Variants in SLC12A6 observed in about 807,000 individuals in gnomAD.
SLC12A6 encodes the protein K-Cl cotransporter 3.
In SLC12A6, 66 loss-of-function variants were observed where a neutral mutation model predicts 135.3. The observed-to-expected ratio is 0.49, with a 90% CI of 0.40 to 0.60. The LOEUF is 0.60. Among genes scored for constraint, SLC12A6 ranks in the 20% least tolerant of loss-of-function variants. SLC12A6 has a pLI of 0.00. For missense variants in SLC12A6, 1,058 were observed against 1,452.3 expected (o/e 0.73, Z 4.41); for synonymous variants, 513 against 508.8 (o/e 1.01, Z -0.11).
chr15:34,236,878 A>T, intron 22 of SLC12A6, 63 bp from the exon 23 acceptor site: 1 of 926,816 alleles, frequency 1.1e-6, no homozygotes, highest in Non-Finnish European at 1.8e-6. Context: ...TGAACCATAC[A>T]TTTTTATTTC....
At chr15:34,243,144 G>A (rs907574318) in intron 16 of SLC12A6, among the ~76,000 whole-genome samples, 3 of 151,886 alleles carry the variant, frequency 2.0e-5, no homozygotes, top group African/African-American at 7.2e-5. Flanking sequence ...CGCCTGCCTT[G>A]GCCTCCCAAA....
chr15:34,229,999 AAAT>A lies in SLC12A6; in HGVS notation c.*3879_*3881del. On this transcript the variant is annotated 3_prime_UTR_variant, in exon 26 of 26. Coordinates refer to ENST00000354181, the MANE Select transcript of SLC12A6 (RefSeq NM_001365088.1). ...AAACTATACCATAACCCAAGGCTGA[AAAT>A]AATGTAGAAAACTTTATTTTTGTTT... 1.7e-6 allele frequency: 1 copy of A among 588,800 alleles called. No individual in the cohort carries two copies. The highest frequency in any genetic ancestry group is 2.2e-5 in the South Asian group (1 of 45,970). The allele number at this position is 588,800 out of a possible 1,614,324, so 36.5% of individuals were successfully genotyped here.
At chr15:34,330,737 A>G (rs1889783409) in intron 2 of SLC12A6, among the ~76,000 whole-genome samples, 1 of 152,196 alleles carries the variant, frequency 6.6e-6, no homozygotes, top group South Asian at 2.1e-4. Flanking sequence ...ACAAGCTAAG[A>G]AGGTACCAAA....
At chr15:34,320,603 A>AT (rs10543386) in intron 2 of SLC12A6, among the ~76,000 whole-genome samples, 18,777 of 144,894 alleles carry the variant, frequency 0.13, 2,037 homozygotes, top group African/African-American at 0.31. Flanking sequence ...GGAATAAACA[A>AT]TTTTTTTTTT....
chr15:34,237,446 A>G lies in SLC12A6; in HGVS notation c.2907T>C (p.Ile969=), dbSNP rs1339254567. The G allele has an allele frequency of 1.2e-6, 2 of 1,613,194 alleles. No individual in the cohort carries two copies. The highest frequency in any genetic ancestry group is 2.2e-5 in the South Asian group (2 of 91,072). Residue 969 remains isoleucine, a synonymous_variant, in exon 22 of 26, where the codon ATT becomes ATC. Coordinates refer to ENST00000354181, the MANE Select transcript of SLC12A6 (RefSeq NM_001365088.1). ...TCTCCACCACTTCTACCTCCGCCTC[A>G]ATGCGTAAGTGATATAGGAAGGTGG... ...DLATFLYHLR[I]EAEVEVVEMH...
intron 3 of SLC12A6, among the ~76,000 whole-genome samples, chr15:34,271,387 TTA>T (rs1491115530): frequency 6.6e-6 from 1 of 151,820 alleles, no homozygotes; most frequent in Admixed American, 6.6e-5. Context: ...TTTTTTTTTT[TTA>T]ATCTCATGTT....
chr15:34,242,794 G>A (rs1347087861), intron 16 of SLC12A6, among the ~76,000 whole-genome samples: 2 of 152,120 alleles, frequency 1.3e-5, no homozygotes, highest in Non-Finnish European at 2.9e-5. Context: ...ACTTTGGGAG[G>A]CTGAGGCGGA....
chr15:34,235,562 G>A (rs562454202), intron 24 of SLC12A6, among the ~76,000 whole-genome samples: 78 of 151,004 alleles, frequency 5.2e-4, no homozygotes, highest in African/African-American at 1.7e-3. Flanking sequence ...AGCCTCCCGA[G>A]TAGCTGGGAT....
intron 2 of SLC12A6, among the ~76,000 whole-genome samples, chr15:34,285,718 C>CACACACACAT (rs1555385547): frequency 1.5e-5 from 1 of 66,066 alleles, no homozygotes; most frequent in African/African-American, 3.9e-5. Context: ...GTGTGTTTGT[C>CACACACACAT]ATACATAAAA....
At chr15:34,284,277 C>CTTTTTTTTTTTT (rs71415558) in intron 2 of SLC12A6, among the ~76,000 whole-genome samples, 14 of 92,492 alleles carry the variant, frequency 1.5e-4, no homozygotes, top group East Asian at 3.6e-4. Context: ...TGTTTCTTTT[C>CTTTTTTTTTTTT]TTTTTTTTTT....
intron 2 of SLC12A6, chr15:34,314,939 G>A (rs1381698591): frequency 2.6e-5 from 4 of 152,240 alleles, no homozygotes; most frequent in East Asian, 3.8e-4. Flanking sequence ...CAGATATGGT[G>A]GAAATAGCAA....
At chr15:34,313,733 T>C (rs112857721) in intron 2 of SLC12A6, among the ~76,000 whole-genome samples, 5,967 of 152,226 alleles carry the variant, frequency 0.039, 216 homozygotes, top group African/African-American at 0.099. Flanking sequence ...TTGCCTCTCT[T>C]GTTAGGGGCT....
intron 19 of SLC12A6, 107 bp downstream of exon 19, chr15:34,240,554 C>G: frequency 1.0e-6 from 1 of 999,834 alleles, no homozygotes; most frequent in South Asian, 1.3e-5. Context: ...AGTGAGAAAC[C>G]TCCTAGATCA....
At position 34,255,363 on chromosome 15, in the gene SLC12A6, C is replaced by A. The variant is rs1168627960; in HGVS notation, c.775G>T (p.Ala259Ser). 2 of 1,610,062 alleles carry A rather than the reference C, an allele frequency of 1.2e-6. No homozygotes were observed. The highest frequency in any genetic ancestry group is 3.3e-5 in the Admixed American group (2 of 60,002). ...AGGSYFMISR[A>S]LGPEFGGAVG... ...GCCCCACCAAACTCTGGGCCCAGTGCCCGGGAAATCATAAAGTATGAGCCC... is the reference window on the plus strand; with the variant it reads ...GCCCCACCAAACTCTGGGCCCAGTGACCGGGAAATCATAAAGTATGAGCCC... The change falls in exon 8 of 26, where the codon GCA (alanine) becomes TCA (serine). Residue 259 changes from alanine to serine, a missense_variant. Ala to Ser is a moderately conservative substitution (Grantham distance 99). Around this residue, in one of 6 missense-constraint regions of SLC12A6, gnomAD observed 139 missense variants for 202.2 expected, o/e 0.69. Transcript: ENST00000354181.
chr15:34,273,966 T>C (rs1033062908), intron 3 of SLC12A6, among the ~76,000 whole-genome samples: 2 of 152,130 alleles, frequency 1.3e-5, no homozygotes, highest in African/African-American at 2.4e-5. Flanking sequence ...CATGTACATA[T>C]CTTTTGAGTA....
intron 3 of SLC12A6, 77 bp from the exon 4 acceptor site, chr15:34,261,097 G>T: frequency 1.2e-6 from 1 of 800,728 alleles, no homozygotes. Flanking sequence ...ATAAGTGCAG[G>T]TTGCTTCGGT....
chr15:34,318,606 T>C, intron 2 of SLC12A6: 1 of 1,614,020 alleles, frequency 6.2e-7, no homozygotes, highest in Non-Finnish European at 8.5e-7. Flanking sequence ...TCTGCTAAAC[T>C]AGGCTCTTGA....
At chr15:34,282,199 G>A (rs1006358271) in intron 2 of SLC12A6, among the ~76,000 whole-genome samples, 13 of 152,062 alleles carry the variant, frequency 8.5e-5, no homozygotes, top group Non-Finnish European at 1.5e-4. Context: ...GGTAAGAAAC[G>A]GTTTGGGGCA....
rs756087195 is a variant in SLC12A6 at position 34,241,341 on chromosome 15, T to C, written c.2163-4A>G. The C allele has an allele frequency of 1.3e-6, 2 of 1,521,442 alleles. No individual in the cohort carries two copies. Among genetic ancestry groups the C allele is most frequent in the South Asian group, 1.1e-5 (1 of 89,176 alleles). 94.2% of individuals were successfully genotyped at this position (1,521,442 alleles called of 1,614,324 possible). ...ATCACCCCATTCTTTCTCAGCTCTG[T>C]GAGAAAAAGAAAAGAGCAGAGACAA... is the stretch of plus-strand genomic sequence containing the variant. On this transcript the variant is annotated splice_polypyrimidine_tract_variant and splice_region_variant and intron_variant, in intron 17 of 25. Transcript: ENST00000354181.
Sources: gnomAD v4.1 joint callset for allele counts (sites outside exome capture counted in the v4.1 genomes callset) on GRCh38, gnomAD v4.1.1 for gene constraint, gnomAD v4.1.1 regional missense constraint, MANE v1.5 for transcripts, NCBI Gene and HGNC (gene_info 2026-07-23, HGNC 2026-07-21) for gene names.